The following ARID5B variants were observed in gnomAD, a reference collection of about 807,000 sequenced individuals.
ARID5B encodes the protein AT-rich interaction domain 5B.
Under a neutral mutation model 97.2 loss-of-function variants are expected in ARID5B, and 13 were observed. The observed-to-expected ratio is 0.13, with a 90% CI of 0.09 to 0.21. The LOEUF (loss-of-function observed/expected upper bound fraction) is 0.21, where lower values mean the gene tolerates loss of function less well. ARID5B is among the 10% of genes least tolerant of loss of function. ARID5B has a pLI of 1.00. For synonymous variants in ARID5B, 556 were observed against 570.3 expected, an observed-to-expected ratio of 0.97 and a Z score of 0.36; for missense variants, 1,210 against 1,465.3, an observed-to-expected ratio of 0.83 and a Z score of 2.84.
intron 7 of ARID5B, among the ~76,000 whole-genome samples, chr10:62,061,430 T>A (rs1839919947): frequency 6.6e-6 from 1 of 152,224 alleles, no homozygotes; most frequent in South Asian, 2.1e-4. Flanking sequence ...AATAGAGTGA[T>A]GAGGTGGCTG....
At chr10:61,967,117 G>T (rs545778734) in intron 3 of ARID5B, among the ~76,000 whole-genome samples, 1 of 152,068 alleles carries the variant, frequency 6.6e-6, no homozygotes, top group Admixed American at 6.6e-5. Flanking sequence ...CCCTTTAAGA[G>T]CATTTTGCTC....
At chr10:61,942,954 A>G (rs940276037) in intron 3 of ARID5B, among the ~76,000 whole-genome samples, 1 of 152,210 alleles carries the variant, frequency 6.6e-6, no homozygotes, top group Non-Finnish European at 1.5e-5. Context: ...GGGGCACAAG[A>G]AACACCATGT....
intron 3 of ARID5B, among the ~76,000 whole-genome samples, chr10:61,954,374 A>AATAT (rs1331256228): frequency 6.6e-6 from 1 of 151,774 alleles, no homozygotes; most frequent in Non-Finnish European, 1.5e-5. Context: ...TAAATAAATA[A>AATAT]ATAAATAAAA....
At chr10:62,002,825 A>G (rs1273045964) in intron 4 of ARID5B, among the ~76,000 whole-genome samples, 1 of 152,164 alleles carries the variant, frequency 6.6e-6, no homozygotes, top group Non-Finnish European at 1.5e-5. Context: ...GGGCCCACAG[A>G]TGAATTTTCT....
At chr10:61,932,913 C>T (rs545956653) in intron 2 of ARID5B, among the ~76,000 whole-genome samples, 2 of 152,218 alleles carry the variant, frequency 1.3e-5, no homozygotes, top group African/African-American at 4.8e-5. Flanking sequence ...CTAAGCAACA[C>T]AGTGAAACTC....
Position 62,049,349 on chromosome 10 carries a change from C to G in ARID5B, c.734-1539C>G, listed in dbSNP as rs572379672. The G allele has an allele frequency of 3.9e-6, 6 of 1,536,254 alleles. No individual in the cohort carries two copies. The African/African-American group carries it at 8.2e-5, about 21-fold the overall frequency. ...GAGTTGTAAGCAGAGCGCTGAGCCT[C>G]GCAGCTCGCATTCGGAGGGAAGCTG... On this transcript the variant is annotated intron_variant, in intron 4 of 9. Coordinates refer to ENST00000279873, the MANE Select transcript of ARID5B (RefSeq NM_032199.3).
intron 5 of ARID5B, among the ~76,000 whole-genome samples, chr10:62,053,449 C>T (rs972495263): frequency 4.6e-5 from 7 of 152,166 alleles, no homozygotes; most frequent in Admixed American, 1.3e-4. Context: ...TGTTTTCCAA[C>T]GGAGAGAGAA....
At position 62,093,406 on chromosome 10, in the gene ARID5B, G is replaced by A. The variant is rs1457910069; in HGVS notation, c.*376G>A. On this transcript the variant is annotated 3_prime_UTR_variant, in exon 10 of 10. Transcript: ENST00000279873. Reference sequence around the variant, plus strand: ...AGAGGCAGGCATTTCAAAGGAAGGGGCAAGGAAGACTGGCAAACAGATGGC... The same window carrying A: ...AGAGGCAGGCATTTCAAAGGAAGGGACAAGGAAGACTGGCAAACAGATGGC... 4 of 265,148 alleles carry A rather than the reference G, an allele frequency of 1.5e-5. No individual in the cohort carries two copies. Among genetic ancestry groups the A allele is most frequent in the Non-Finnish European group, 2.9e-5 (4 of 139,306 alleles). The allele number at this position is 265,148 out of a possible 1,614,324, so 16.4% of individuals were successfully genotyped here.
chr10:62,064,897 C>G (rs1212067262), intron 7 of ARID5B, among the ~76,000 whole-genome samples: 3 of 152,118 alleles, frequency 2.0e-5, no homozygotes, highest in Non-Finnish European at 4.4e-5. Flanking sequence ...CCTCAGCCTC[C>G]TGAGTAGCTG....
intron 8 of ARID5B, among the ~76,000 whole-genome samples, chr10:62,080,786 C>CA (rs921859576): frequency 1.5e-4 from 22 of 147,128 alleles, no homozygotes; most frequent in South Asian, 4.3e-4. Context: ...GTTGTTACTA[C>CA]AAAAAAAAAG....
chr10:61,916,136 C>T (rs1230633114), intron 2 of ARID5B, among the ~76,000 whole-genome samples: 1 of 152,258 alleles, frequency 6.6e-6, no homozygotes, highest in Non-Finnish European at 1.5e-5. Context: ...TCATCGCAAC[C>T]TCTGTTGCCC....
rs529579409 is a variant in ARID5B at position 62,084,947 on chromosome 10, G to A, written c.1200-755G>A. On this transcript the variant is annotated intron_variant, in intron 8 of 9. Transcript: ENST00000279873. ...GGAGTCCCCTACCCCACTCAGAGCT[G>A]TGGGATAAGACTAAACTGTCTCTTG... Among the ~76,000 whole-genome samples, 9 of 152,342 alleles carry A rather than the reference G, an allele frequency of 5.9e-5. No individual in the cohort carries two copies. In the South Asian group the frequency reaches 1.9e-3, roughly 32 times the overall value.
At chr10:62,081,896 C>T (rs1840218260) in intron 8 of ARID5B, among the ~76,000 whole-genome samples, 1 of 152,140 alleles carries the variant, frequency 6.6e-6, no homozygotes, top group Admixed American at 6.5e-5. Context: ...TCTTTTCAAA[C>T]CAGCAATTTC....
intron 2 of ARID5B, among the ~76,000 whole-genome samples, chr10:61,917,119 C>T (rs944822435): frequency 2.0e-5 from 3 of 150,854 alleles, no homozygotes; most frequent in African/African-American, 7.3e-5. Context: ...ATGATTGCAC[C>T]ACTGCACTCC....
intron 4 of ARID5B, among the ~76,000 whole-genome samples, chr10:62,043,009 G>C (rs1260827841): frequency 1.3e-5 from 2 of 150,814 alleles, no homozygotes; most frequent in Non-Finnish European, 2.9e-5. Context: ...CTGTGGTCTT[G>C]TCCATGCTAT....
At chr10:61,924,197 C>A (rs1358427686) in intron 2 of ARID5B, among the ~76,000 whole-genome samples, 4 of 152,222 alleles carry the variant, frequency 2.6e-5, no homozygotes, top group African/African-American at 9.7e-5. Flanking sequence ...CTGGCTTGTA[C>A]AACCTCCCCG....
At chr10:61,955,825 ATT>A (rs988474587) in intron 3 of ARID5B, among the ~76,000 whole-genome samples, 1 of 151,912 alleles carries the variant, frequency 6.6e-6, no homozygotes, top group African/African-American at 2.4e-5. Flanking sequence ...TAGTTTTTGT[ATT>A]TTTAGTAGAG....
chr10:62,029,188 T>G (rs1317544141), intron 4 of ARID5B, among the ~76,000 whole-genome samples: 1 of 152,164 alleles, frequency 6.6e-6, no homozygotes, highest in East Asian at 1.9e-4. Flanking sequence ...TCCATTTTTT[T>G]ATGTTCCGCC....
chr10:61,901,876 A>G (rs1589211071), intron 1 of ARID5B, 146 bp downstream of exon 1: 3 of 714,526 alleles, frequency 4.2e-6, no homozygotes, highest in Non-Finnish European at 7.2e-6. Flanking sequence ...AATCATTTTT[A>G]TTGTTTAAAA....
Sources: gnomAD v4.1 joint callset for allele counts (sites outside exome capture counted in the v4.1 genomes callset) on GRCh38, gnomAD v4.1.1 for gene constraint, MANE v1.5 for transcripts, NCBI Gene and HGNC (gene_info 2026-07-23, HGNC 2026-07-21) for gene names.